Variants in KMT2E observed in about 807,000 individuals in gnomAD.
KMT2E encodes the protein histone reader KMT2E.
A neutral mutation model predicts 184.6 loss-of-function variants in KMT2E; 30 were observed. The observed-to-expected ratio is 0.16, with a 90% CI of 0.12 to 0.22. The LOEUF is 0.22. Among genes scored for constraint, KMT2E ranks in the 10% least tolerant of loss-of-function variants. The pLI, the probability that KMT2E is intolerant of heterozygous loss-of-function variation, is 1.00. For synonymous variants in KMT2E, 815 were observed against 776.5 expected (o/e 1.05, Z -0.82); for missense variants, 2,023 against 2,237.4 (o/e 0.90, Z 1.93).
At chr7:105,036,193 T>G (rs1263590904) in intron 1 of KMT2E, among the ~76,000 whole-genome samples, 3 of 150,936 alleles carry the variant, frequency 2.0e-5, no homozygotes, top group African/African-American at 7.3e-5. Context: ...TTTTGTTTTT[T>G]TTTTTGGCAG....
intron 1 of KMT2E, among the ~76,000 whole-genome samples, chr7:105,027,807 T>C (rs1337412005): frequency 1.3e-5 from 2 of 152,116 alleles, no homozygotes; most frequent in Non-Finnish European, 2.9e-5. Context: ...TTTACATATA[T>C]ATTTATAATT....
In KMT2E at chr7:105,066,787, A is replaced by G. The variant is rs1036746553; in HGVS notation, c.477A>G (p.Leu159=). Residue 159 remains leucine (L), a synonymous_variant, in exon 6 of 27, where the codon CTA becomes CTG. Transcript: ENST00000311117. ...IDRQHIPDTY[L]CERCQPRNLD... ...GGCAGCATATTCCTGATACATATCT[A>G]TGTGAACGTTGTCAGCCTAGGTAAG... 6.2e-7 allele frequency: 1 copy of G among 1,612,130 alleles called. No individual in the cohort carries two copies. Among genetic ancestry groups the G allele is most frequent in the African/African-American group, 1.3e-5 (1 of 74,852 alleles).
intron 1 of KMT2E, among the ~76,000 whole-genome samples, chr7:105,019,778 A>G (rs1391157363): frequency 2.0e-5 from 3 of 152,248 alleles, no homozygotes; most frequent in African/African-American, 7.2e-5. Flanking sequence ...AGGAAGAAAC[A>G]TTCCTTCAGA....
intron 16 of KMT2E, 121 bp from the exon 17 acceptor site, chr7:105,101,765 T>C (rs1330641992): frequency 2.0e-6 from 2 of 999,916 alleles, no homozygotes; most frequent in Admixed American, 3.3e-5. Flanking sequence ...CTCTGTTCTT[T>C]ATTATATATC....
chr7:105,093,596 A>G (rs1798294733), intron 15 of KMT2E, among the ~76,000 whole-genome samples: 1 of 152,140 alleles, frequency 6.6e-6, no homozygotes, highest in African/African-American at 2.4e-5. Context: ...AGGCAGGAGA[A>G]TCACTTGAAC....
Position 105,053,511 on chromosome 7 carries a change from A to G in KMT2E, c.72-8653A>G, listed in dbSNP as rs746889938. The stretch of plus-strand genomic sequence containing the variant: ...ATAATAATTTTATTCTCTCAACTCT[A>G]AAGTCTATATAAAGATTGCTTTTCA... On this transcript the variant is annotated intron_variant, in intron 3 of 26. Coordinates refer to ENST00000311117, the MANE Select transcript of KMT2E (RefSeq NM_182931.3). Among the ~76,000 whole-genome samples, 17 of 152,250 alleles carry G rather than the reference A, an allele frequency of 1.1e-4. No homozygotes were observed. The South Asian group carries it at 1.9e-3, about 17-fold the overall frequency.
Position 105,113,203 on chromosome 7 carries a change from G to A in KMT2E, c.5447G>A (p.Gly1816Asp). Residue 1816 changes from glycine (G) to aspartate (D), a missense_variant, in exon 27 of 27, where the codon GGC (glycine) becomes GAC (aspartate). Physicochemically the swap from Gly to Asp is moderately conservative, Grantham distance 94. Around this residue, in one of 8 missense-constraint regions of KMT2E, gnomAD observed 1,108 missense variants for 1,050.9 expected, o/e 1.05. Coordinates refer to ENST00000311117, the MANE Select transcript of KMT2E (RefSeq NM_182931.3). ...PTASGFCPHP[G>D]SVALPHGVQG... ...GCTTCAGGGTTCTGTCCTCATCCTG[G>A]CTCTGTGGCCCTGCCACATGGGGTT... The A allele has an allele frequency of 3.1e-6, 5 of 1,614,158 alleles. No homozygotes were observed. The highest frequency in any genetic ancestry group is 4.2e-6 in the Non-Finnish European group (5 of 1,180,026).
chr7:105,106,593 C>G lies in KMT2E; in HGVS notation c.2668C>G (p.Pro890Ala). The G allele has an allele frequency of 6.2e-7, 1 of 1,613,706 alleles. No homozygotes were observed. The highest frequency in any genetic ancestry group is 8.5e-7 in the Non-Finnish European group (1 of 1,179,608). The change falls in exon 20 of 27, where the codon CCT becomes GCT. Residue 890 changes from proline to alanine, a missense_variant. By Grantham distance (27) the Pro-to-Ala change is conservative. This residue lies in a region of KMT2E where 514 missense variants were observed against 621.8 expected (regional missense o/e 0.83). Transcript: ENST00000311117. ...LDSVYSETSTPTPSPYATPTH... is the reference protein window; with the variant it reads ...LDSVYSETSTATPSPYATPTH... ...TTCGGTTTACTCAGAAACCTCCACA[C>G]CTACTCCTTCCCCGTATGCTACACC...
chr7:105,103,300 A>G (rs1352905415), intron 17 of KMT2E: 1 of 152,190 alleles, frequency 6.6e-6, no homozygotes, highest in Admixed American at 6.5e-5. Context: ...ATTCTCTTAA[A>G]AAGCCTCTTT....
At chr7:105,016,934 C>T (rs757616194) in intron 1 of KMT2E, among the ~76,000 whole-genome samples, 4 of 152,158 alleles carry the variant, frequency 2.6e-5, no homozygotes, top group Non-Finnish European at 4.4e-5. Flanking sequence ...AGACTGAGCA[C>T]ACAACCTTAC....
At chr7:105,100,580 T>G (rs1464889326) in intron 15 of KMT2E, among the ~76,000 whole-genome samples, 1 of 152,182 alleles carries the variant, frequency 6.6e-6, no homozygotes, top group Non-Finnish European at 1.5e-5. Context: ...TAATGTTCTC[T>G]TTGGATAGAG....
At chr7:105,111,115 A>G (rs1325700822) in intron 26 of KMT2E, 11 of 446,944 alleles carry the variant, frequency 2.5e-5, no homozygotes, top group South Asian at 3.7e-5. Context: ...ATTTTCTTCA[A>G]ATGTTCCACC....
Position 105,112,347 on chromosome 7 carries a change from T to A in KMT2E, c.4591T>A (p.Tyr1531Asn). 1.2e-6 allele frequency: 2 copies of A among 1,613,316 alleles called. No individual in the cohort carries two copies. Among genetic ancestry groups the A allele is most frequent in the African/African-American group, 2.7e-5 (2 of 74,992 alleles). ...QTPSGQSSAT[Y>N]SQFNQQSLNS... ...ACCCTCAGGACAATCTTCAGCAACA[T>A]ACAGTCAGTTTAACCAACAAAGTCT... The change falls in exon 27 of 27, where the codon TAC becomes AAC. Residue 1531 changes from tyrosine (Y) to asparagine (N), a missense_variant. By Grantham distance (143) the Tyr-to-Asn change is moderately radical. Around this residue, in one of 8 missense-constraint regions of KMT2E, gnomAD observed 1,108 missense variants for 1,050.9 expected, o/e 1.05. Coordinates refer to ENST00000311117, the MANE Select transcript of KMT2E (RefSeq NM_182931.3).
intron 8 of KMT2E, among the ~76,000 whole-genome samples, chr7:105,075,437 C>G (rs950234559): frequency 6.6e-6 from 1 of 152,102 alleles, no homozygotes; most frequent in Non-Finnish European, 1.5e-5. Context: ...GTGCATATTA[C>G]TTAAGGCCCA....
At chr7:105,083,247 T>G (rs538081818) in intron 13 of KMT2E, among the ~76,000 whole-genome samples, 2 of 152,230 alleles carry the variant, frequency 1.3e-5, no homozygotes, top group Non-Finnish European at 2.9e-5. Context: ...GATCTTCTCT[T>G]TCAGGGTTCT....
chr7:105,049,287 A>G (rs1194264858), intron 3 of KMT2E, among the ~76,000 whole-genome samples: 3 of 152,026 alleles, frequency 2.0e-5, no homozygotes, highest in Non-Finnish European at 4.4e-5. Flanking sequence ...TGTACAAAAA[A>G]AATACCATAG....
intron 15 of KMT2E, among the ~76,000 whole-genome samples, chr7:105,098,596 T>A (rs1015120095): frequency 6.6e-6 from 1 of 152,112 alleles, no homozygotes; most frequent in Non-Finnish European, 1.5e-5. Flanking sequence ...AAAGACAGGG[T>A]TTCACCATGT....
At chr7:105,043,425 A>G (rs940398651) in intron 3 of KMT2E, among the ~76,000 whole-genome samples, 56 of 150,956 alleles carry the variant, frequency 3.7e-4, no homozygotes, top group African/African-American at 1.4e-3. Flanking sequence ...TTTAGTAGAG[A>G]CGGGGTTTCA....
At chr7:105,021,673 A>G (rs972655621) in intron 1 of KMT2E, among the ~76,000 whole-genome samples, 14 of 135,816 alleles carry the variant, frequency 1.0e-4, no homozygotes, top group Non-Finnish European at 1.6e-5. Context: ...GTGGGTGTTC[A>G]TGGTTTGTAG....
Sources: gnomAD v4.1 joint callset for allele counts (sites outside exome capture counted in the v4.1 genomes callset) on GRCh38, gnomAD v4.1.1 for gene constraint, gnomAD v4.1.1 regional missense constraint, MANE v1.5 for transcripts, NCBI Gene and HGNC (gene_info 2026-07-23, HGNC 2026-07-21) for gene names.